NLRC5: variants seen among roughly 807,000 people sequenced by gnomAD.
The protein encoded by NLRC5 is protein NLRC5.
A neutral mutation model predicts 206.9 loss-of-function variants in NLRC5; 114 were observed. The observed-to-expected ratio is 0.55, with a 90% confidence interval of 0.47 to 0.64. NLRC5 has a LOEUF of 0.64. Ranked by LOEUF, NLRC5 falls within the 30% of genes least tolerant of loss-of-function variation. The pLI, the probability that NLRC5 is intolerant of heterozygous loss-of-function variation, is 0.00. For missense variants in NLRC5, 2,008 were observed against 2,305.5 expected, an observed-to-expected ratio of 0.87 and a Z score of 2.64; for synonymous variants, 952 against 962.8, an observed-to-expected ratio of 0.99 and a Z score of 0.21.
At chr16:57,019,312 G>C (rs559918467) in intron 2 of NLRC5, among the ~76,000 whole-genome samples, 4 of 152,108 alleles carry the variant, frequency 2.6e-5, no homozygotes, top group Admixed American at 6.5e-5. Context: ...CAGAAGAATC[G>C]CTTGAACCCG....
rs1484143791 is a variant in NLRC5, at chr16:57,005,509, AAAAG to A, written c.-127-11563_-127-11560del. ...CCTCATCTTAATATTAAAAAAAAAAAAAAGAGAAAGAAAAAAAGTGAACTTGGGA... is the reference window on the plus strand; with the variant it reads ...CCTCATCTTAATATTAAAAAAAAAAAAGAAAGAAAAAAAGTGAACTTGGGA... On this transcript the variant is annotated intron_variant, in intron 1 of 48. Coordinates refer to ENST00000688547, the MANE Select transcript of NLRC5 (RefSeq NM_001384950.1). 1.8e-4 allele frequency among the ~76,000 whole-genome samples: 28 copies of A among 152,160 alleles called. No homozygotes were observed. The South Asian group carries it at 5.8e-3, about 32-fold the overall frequency.
intron 43 of NLRC5, 116 bp downstream of exon 43, chr16:57,078,136 A>T: frequency 1.3e-6 from 1 of 771,204 alleles, no homozygotes; most frequent in Non-Finnish European, 2.0e-6. Context: ...CAAGCTTGGC[A>T]TATACCCACT....
chr16:57,008,589 C>T (rs2059165375), intron 1 of NLRC5, among the ~76,000 whole-genome samples: 1 of 152,172 alleles, frequency 6.6e-6, no homozygotes, highest in Non-Finnish European at 1.5e-5. Flanking sequence ...ATTCTTTGTA[C>T]AGTGTAATGC....
Position 57,037,246 on chromosome 16 carries a change from C to A in NLRC5, c.2763C>A (p.Ala921=), listed in dbSNP as rs146945239. The change falls in exon 15 of 49, where the codon GCC becomes GCA. Residue 921 remains alanine (A), a synonymous_variant. Coordinates refer to ENST00000688547, the MANE Select transcript of NLRC5 (RefSeq NM_001384950.1). ...CCGGGGTGCATTGTGTGCTGAGGGC[C>A]GTGAGTGCGTGCTGGACCCTGGCAG... ...SVAGVHCVLR[A]VSACWTLAEL... The A allele has an allele frequency of 2.7e-4, 428 of 1,613,750 alleles. 1 individual carries two copies. The African/African-American group carries it at 5.0e-3, about 19-fold the overall frequency.
At chr16:57,074,521 A>G (rs761978441) in intron 38 of NLRC5, 79 bp from the exon 39 acceptor site, 1 of 1,259,884 alleles carries the variant, frequency 7.9e-7, no homozygotes, top group Non-Finnish European at 1.2e-6. Flanking sequence ...AGGCTTGCTA[A>G]GCACAGAGGC....
At chr16:57,031,799 A>G (rs2061914429) in intron 11 of NLRC5, among the ~76,000 whole-genome samples, 1 of 149,254 alleles carries the variant, frequency 6.7e-6, no homozygotes, top group Non-Finnish European at 1.5e-5. Flanking sequence ...AAAGACAGGG[A>G]GGGCAATTAT....
chr16:57,024,130 G>A lies in NLRC5; in HGVS notation c.424+277G>A, dbSNP rs13332614. ...GAAGCACCATACAGGTCTCAGCTTC[G>A]CTGTCCAGGCTTTTCCAGGGACACC... On this transcript the variant is annotated intron_variant, in intron 5 of 48. Transcript: ENST00000688547. Among the ~76,000 whole-genome samples the A allele has an allele frequency of 8.9e-3, 1,355 of 152,320 alleles. 22 individuals are homozygous for A. Among genetic ancestry groups the A allele is most frequent in the African/African-American group, 0.03 (1,227 of 41,562 alleles).
chr16:57,016,326 A>G (rs2060102775), intron 1 of NLRC5, among the ~76,000 whole-genome samples: 1 of 152,160 alleles, frequency 6.6e-6, no homozygotes, highest in African/African-American at 2.4e-5. Context: ...CATACTACAT[A>G]CCACCTCCAT....
At position 57,061,457 on chromosome 16, in the gene NLRC5, G is replaced by A; in HGVS notation, c.3996G>A (p.Glu1332=). The part of the protein sequence containing the change: ...DQAGKTLRLS[E]CSFRPEHVSR... Reference sequence around the variant, plus strand: ...GGCTTTCTGCCCTCAGGCTAAGTGAGTGCAGCTTCCGGCCAGAGCACGTGT... The same window carrying A: ...GGCTTTCTGCCCTCAGGCTAAGTGAATGCAGCTTCCGGCCAGAGCACGTGT... Residue 1332 remains glutamate, a synonymous_variant, in exon 31 of 49, where the codon GAG becomes GAA. Coordinates refer to ENST00000688547, the MANE Select transcript of NLRC5 (RefSeq NM_001384950.1). 1 of 1,611,406 alleles carries A rather than the reference G, an allele frequency of 6.2e-7. No homozygotes were observed. Among genetic ancestry groups the A allele is most frequent in the African/African-American group, 1.3e-5 (1 of 75,068 alleles).
At chr16:57,077,221 C>G in intron 40 of NLRC5, 75 bp from the exon 41 acceptor site, 1 of 1,369,180 alleles carries the variant, frequency 7.3e-7, no homozygotes, top group Non-Finnish European at 1.0e-6. Flanking sequence ...CTTCAGCCTC[C>G]CCTTCTTTTT....
intron 1 of NLRC5, among the ~76,000 whole-genome samples, chr16:57,005,509 A>G (rs1183201267): frequency 2.0e-5 from 3 of 152,042 alleles, no homozygotes; most frequent in Non-Finnish European, 4.4e-5. Flanking sequence ...AAAAAAAAAA[A>G]AAAGAGAAAG....
intron 15 of NLRC5, among the ~76,000 whole-genome samples, chr16:57,039,345 A>G (rs1264990536): frequency 1.3e-5 from 2 of 152,200 alleles, no homozygotes; most frequent in Non-Finnish European, 2.9e-5. Context: ...AAAAGCTCAG[A>G]GGAAGTCAGA....
chr16:56,989,803 C>G (rs1193266773), intron 1 of NLRC5, among the ~76,000 whole-genome samples, 186 bp downstream of exon 1: 1 of 152,148 alleles, frequency 6.6e-6, no homozygotes, highest in Non-Finnish European at 1.5e-5. Flanking sequence ...GCCAGTGGCC[C>G]GGCAGCGCGC....
intron 17 of NLRC5, 198 bp from the exon 18 acceptor site, chr16:57,041,287 C>T: frequency 3.6e-6 from 2 of 558,462 alleles, no homozygotes; most frequent in Non-Finnish European, 3.2e-6. Flanking sequence ...TCTGCCCACC[C>T]TCTGCCTATA....
intron 27 of NLRC5, among the ~76,000 whole-genome samples, chr16:57,057,091 G>A (rs1296215245): frequency 6.6e-6 from 1 of 152,190 alleles, no homozygotes; most frequent in Non-Finnish European, 1.5e-5. Context: ...AAAATCAGAT[G>A]TTCCGGGACA....
At chr16:57,028,419 G>A (rs770323088) in intron 8 of NLRC5, 34 bp downstream of exon 8, 2 of 1,541,638 alleles carry the variant, frequency 1.3e-6, no homozygotes, top group Non-Finnish European at 1.8e-6. Context: ...ACTGACTGGG[G>A]AGATGAGCCA....
chr16:57,028,045 C>G (rs773521392), intron 6 of NLRC5, 27 bp from the exon 7 acceptor site: 2 of 1,584,852 alleles, frequency 1.3e-6, no homozygotes, highest in African/African-American at 1.3e-5. Flanking sequence ...CACTGATCCT[C>G]TGACACTTCG....
intron 1 of NLRC5, among the ~76,000 whole-genome samples, chr16:56,996,934 A>G (rs949622884): frequency 5.9e-5 from 9 of 152,120 alleles, no homozygotes; most frequent in Non-Finnish European, 1.3e-4. Context: ...CAGTAGTGTG[A>G]TCACAGCCCA....
intron 28 of NLRC5, 41 bp from the exon 29 acceptor site, chr16:57,058,931 T>C (rs752993360): frequency 2.0e-6 from 3 of 1,537,076 alleles, no homozygotes; most frequent in Non-Finnish European, 2.7e-6. Flanking sequence ...TCCAAGGAGG[T>C]CCTGCCCTCA....
Sources: gnomAD v4.1 joint callset for allele counts (sites outside exome capture counted in the v4.1 genomes callset) on GRCh38, gnomAD v4.1.1 for gene constraint, MANE v1.5 for transcripts, NCBI Gene and HGNC (gene_info 2026-07-23, HGNC 2026-07-21) for gene names.